CTNND2: variants seen among roughly 807,000 people sequenced by gnomAD.
CTNND2 encodes catenin delta-2.
Under a neutral mutation model 144.4 loss-of-function variants are expected in CTNND2, and 22 were observed. The ratio of observed to expected loss-of-function variants is 0.15; its 90% CI spans 0.11 to 0.22. The LOEUF (loss-of-function observed/expected upper bound fraction) is 0.22. Among genes scored for constraint, CTNND2 ranks in the 10% least tolerant of loss-of-function variants. CTNND2 has a pLI of 1.00. For synonymous variants in CTNND2, 751 were observed against 695.6 expected, an observed-to-expected ratio of 1.08 and a Z score of -1.25; for missense variants, 1,353 against 1,618.8, an observed-to-expected ratio of 0.84 and a Z score of 2.82.
In CTNND2 at chr5:11,823,855, C is replaced by T. The variant is rs527594162; in HGVS notation, c.37+79962G>A. ...GGGCACAGTGGCTCACACCTATAAT[C>T]CCATTACTTTGGGAGGCTGAGGCAG... On this transcript the variant is annotated intron_variant, in intron 1 of 21. Transcript: ENST00000304623. 9.9e-5 allele frequency among the ~76,000 whole-genome samples: 15 copies of T among 152,140 alleles called. No homozygotes were observed. In the South Asian group the frequency reaches 3.1e-3, roughly 32 times the overall value.
chr5:11,665,130 C>G lies in CTNND2; in HGVS notation c.174+67006G>C, dbSNP rs1251885994. 1.3e-5 allele frequency among the ~76,000 whole-genome samples: 2 copies of G among 152,134 alleles called. 1 individual carries two copies. ...ATAAATAAACTCACGCTTGAGTTTA[C>G]AGATAACTGGGTTAATATTTGCTAT... On this transcript the variant is annotated intron_variant, in intron 2 of 21. Coordinates refer to ENST00000304623, the MANE Select transcript of CTNND2 (RefSeq NM_001332.4).
chr5:11,728,690 A>G (rs1357597055), intron 2 of CTNND2, among the ~76,000 whole-genome samples: 2 of 152,228 alleles, frequency 1.3e-5, no homozygotes, highest in African/African-American at 4.8e-5. Context: ...GTGTAACAAT[A>G]GAGTATCTGG....
At chr5:11,153,673 C>A (rs1757955825) in intron 12 of CTNND2, among the ~76,000 whole-genome samples, 2 of 152,212 alleles carry the variant, frequency 1.3e-5, no homozygotes, top group South Asian at 4.1e-4. Context: ...AGGCACAGTG[C>A]AGATACTTTG....
intron 1 of CTNND2, among the ~76,000 whole-genome samples, chr5:11,805,845 A>G (rs1174633377): frequency 6.6e-6 from 1 of 152,104 alleles, no homozygotes; most frequent in Non-Finnish European, 1.5e-5. Context: ...CCTTCCAATT[A>G]GTAGAGTATA....
At chr5:11,641,801 C>A (rs1014232047) in intron 2 of CTNND2, among the ~76,000 whole-genome samples, 1 of 143,326 alleles carries the variant, frequency 7.0e-6, no homozygotes, top group African/African-American at 2.6e-5. Flanking sequence ...CGTGTACATA[C>A]ACGTGTATGT....
chr5:11,536,158 G>A (rs1330799114), intron 3 of CTNND2, among the ~76,000 whole-genome samples: 2 of 152,098 alleles, frequency 1.3e-5, no homozygotes, highest in Non-Finnish European at 2.9e-5. Flanking sequence ...TGAACTAGTG[G>A]GCTCAAACAA....
intron 11 of CTNND2, among the ~76,000 whole-genome samples, chr5:11,166,011 A>G (rs886174959): frequency 3.3e-5 from 5 of 152,212 alleles, no homozygotes; most frequent in African/African-American, 1.2e-4. Context: ...CTTTAGACGT[A>G]GCATGAATCC....
chr5:11,129,053 TAAA>T (rs1428047137), intron 12 of CTNND2, among the ~76,000 whole-genome samples: 22 of 22,604 alleles, frequency 9.7e-4, no homozygotes, highest in African/African-American at 3.4e-3. Context: ...TATATATAAA[TAAA>T]ATATATATTT....
At position 11,720,858 on chromosome 5, in the gene CTNND2, A is replaced by C. The variant is rs996602505; in HGVS notation, c.174+11278T>G. On this transcript the variant is annotated intron_variant, in intron 2 of 21. Coordinates refer to ENST00000304623, the MANE Select transcript of CTNND2 (RefSeq NM_001332.4). ...AGTCAGAAAACATCAAGTGTTGGCA[A>C]GGATGTGAAGATATTGTAATCCTCA... 3.9e-5 allele frequency among the ~76,000 whole-genome samples: 6 copies of C among 152,212 alleles called. No homozygotes were observed. In the East Asian group the frequency reaches 1.2e-3, roughly 29 times the overall value.
chr5:11,446,786 G>C (rs1387663609), intron 3 of CTNND2, among the ~76,000 whole-genome samples: 1 of 152,180 alleles, frequency 6.6e-6, no homozygotes, highest in African/African-American at 2.4e-5. Context: ...GAAGGAGCAA[G>C]TGGCAGGCTA....
At chr5:11,707,722 T>C (rs887970863) in intron 2 of CTNND2, among the ~76,000 whole-genome samples, 4 of 152,196 alleles carry the variant, frequency 2.6e-5, no homozygotes, top group Non-Finnish European at 5.9e-5. Context: ...CTCTCTCTTA[T>C]GAAAATCACT....
intron 9 of CTNND2, among the ~76,000 whole-genome samples, chr5:11,293,779 CT>C (rs929735033): frequency 4.8e-5 from 7 of 144,680 alleles, no homozygotes; most frequent in Non-Finnish European, 6.1e-5. Context: ...GCAAAAAAGA[CT>C]CCAAGAAATG....
In CTNND2 at chr5:11,182,584, G is replaced by A. The variant is rs567150906; in HGVS notation, c.1975+16864C>T. Among the ~76,000 whole-genome samples, 255 of 151,716 alleles carry A rather than the reference G, an allele frequency of 1.7e-3. 1 individual carries two copies. The highest frequency in any genetic ancestry group is 5.7e-3 in the African/African-American group (236 of 41,382). ...TGCAGGTGATTGCCCTCAACTTCCCGCCCTCAACTTCCCACCCGCAACTCT... is the reference window on the plus strand; with the variant it reads ...TGCAGGTGATTGCCCTCAACTTCCCACCCTCAACTTCCCACCCGCAACTCT... On this transcript the variant is annotated intron_variant, in intron 11 of 21. Coordinates refer to ENST00000304623, the MANE Select transcript of CTNND2 (RefSeq NM_001332.4).
At chr5:11,210,918 T>C (rs1378072937) in intron 10 of CTNND2, among the ~76,000 whole-genome samples, 1 of 152,130 alleles carries the variant, frequency 6.6e-6, no homozygotes, top group African/African-American at 2.4e-5. Context: ...AGTCAGGAAT[T>C]AAGTAAGGAA....
At chr5:11,095,812 A>T (rs1384229432) in intron 15 of CTNND2, among the ~76,000 whole-genome samples, 1 of 151,968 alleles carries the variant, frequency 6.6e-6, no homozygotes, top group Non-Finnish European at 1.5e-5. Flanking sequence ...ACTAATTTTG[A>T]GCAATCTGAT....
At chr5:10,974,914 C>T (rs1037931687) in intron 21 of CTNND2, among the ~76,000 whole-genome samples, 1 of 152,182 alleles carries the variant, frequency 6.6e-6, no homozygotes, top group African/African-American at 2.4e-5. Context: ...TTGATTTATA[C>T]TAGTAATCAA....
chr5:11,500,782 C>T (rs1478798073), intron 3 of CTNND2, among the ~76,000 whole-genome samples: 3 of 152,176 alleles, frequency 2.0e-5, no homozygotes, highest in African/African-American at 7.2e-5. Context: ...CTAAATGTAT[C>T]TCAGAGTAGA....
intron 1 of CTNND2, among the ~76,000 whole-genome samples, chr5:11,857,802 C>T (rs925390712): frequency 6.6e-6 from 1 of 152,092 alleles, no homozygotes; most frequent in African/African-American, 2.4e-5. Context: ...GTTTTGTGAT[C>T]GTGCATGAGC....
chr5:11,141,102 A>G (rs1271829555), intron 12 of CTNND2, among the ~76,000 whole-genome samples: 1 of 152,038 alleles, frequency 6.6e-6, no homozygotes, highest in African/African-American at 2.4e-5. Flanking sequence ...CTACAGGTGC[A>G]TGTCACTGAA....
Sources: allele counts gnomAD v4.1 joint callset (sites outside exome capture counted in the v4.1 genomes callset), GRCh38; gene constraint gnomAD v4.1.1; transcripts MANE v1.5; gene names NCBI Gene and HGNC (gene_info 2026-07-23, HGNC 2026-07-21).